RAPGEF5: variants seen among roughly 807,000 people sequenced by gnomAD.
RAPGEF5 encodes the protein Rap guanine nucleotide exchange factor 5.
In RAPGEF5, 65 loss-of-function variants were observed where a neutral mutation model predicts 125.2. The ratio of observed to expected loss-of-function variants is 0.52; its 90% CI spans 0.43 to 0.64. The LOEUF (loss-of-function observed/expected upper bound fraction) is 0.64, where lower values mean the gene tolerates loss of function less well. Among genes scored for constraint, RAPGEF5 ranks in the 30% least tolerant of loss-of-function variants. The probability of loss-of-function intolerance (pLI) is 0.00; values close to 1 mark genes in which losing one functional copy is unlikely to be tolerated. For missense variants in RAPGEF5, 958 were observed against 1,048.1 expected, an observed-to-expected ratio of 0.91 and a Z score of 1.19; for synonymous variants, 391 against 385.9, an observed-to-expected ratio of 1.01 and a Z score of -0.16.
rs150006942 is a variant in RAPGEF5, at chr7:22,175,150, T to C, written c.1205-8002A>G. ...TGTAAACAAACAAACGGGACACAAA[T>C]GTAATAACCAACAAGAAAGAAAAGG... On this transcript the variant is annotated intron_variant, in intron 11 of 25. Transcript: ENST00000665637. Among the ~76,000 whole-genome samples, 8 of 152,170 alleles carry C rather than the reference T, an allele frequency of 5.3e-5. 1 individual carries two copies. The highest frequency in any genetic ancestry group is 5.2e-4 in the Admixed American group (8 of 15,276).
chr7:22,170,084 T>C (rs185876451), intron 11 of RAPGEF5, among the ~76,000 whole-genome samples: 2 of 151,968 alleles, frequency 1.3e-5, no homozygotes, highest in Non-Finnish European at 2.9e-5. Context: ...AACAGAGTAG[T>C]TTTTTTGTTT....
intron 6 of RAPGEF5, among the ~76,000 whole-genome samples, chr7:22,289,551 G>A (rs1435707584): frequency 6.6e-6 from 1 of 152,244 alleles, no homozygotes; most frequent in Non-Finnish European, 1.5e-5. Flanking sequence ...CATAGTGAAT[G>A]CTTTTTAAAC....
chr7:22,283,333 AT>A (rs1189352529), intron 6 of RAPGEF5, among the ~76,000 whole-genome samples: 1 of 152,184 alleles, frequency 6.6e-6, no homozygotes, highest in Non-Finnish European at 1.5e-5. Context: ...TGTCATTATA[AT>A]TTTTACAACA....
rs147304321 is a variant in RAPGEF5 at position 22,176,537 on chromosome 7, A to G, written c.1205-9389T>C. On this transcript the variant is annotated intron_variant, in intron 11 of 25. Transcript: ENST00000665637. ...AGGCTTTTTGTTTGTTTGTTTGTTT[A>G]TTTTTGAGATAGAGTCTTGCTCTGT... Among the ~76,000 whole-genome samples the G allele has an allele frequency of 4.8e-3, 727 of 152,196 alleles. 10 individuals carry two copies. The highest frequency in any genetic ancestry group is 0.017 in the African/African-American group (705 of 41,532).
chr7:22,179,645 G>A (rs997561349), intron 11 of RAPGEF5, among the ~76,000 whole-genome samples: 29 of 151,970 alleles, frequency 1.9e-4, no homozygotes, highest in African/African-American at 6.8e-4. Flanking sequence ...AGGTCACAAA[G>A]ATCTTGCTGA....
chr7:22,170,141 G>A (rs891233818), intron 11 of RAPGEF5, among the ~76,000 whole-genome samples: 5 of 152,188 alleles, frequency 3.3e-5, no homozygotes, highest in East Asian at 3.9e-4. Context: ...TGCAAACTTC[G>A]CCTCCCAGGT....
intron 1 of RAPGEF5, among the ~76,000 whole-genome samples, chr7:22,344,607 C>T (rs1380827271): frequency 1.3e-5 from 2 of 152,172 alleles, no homozygotes; most frequent in African/African-American, 4.8e-5. Flanking sequence ...CCAACCTAAG[C>T]CAGAGGGCAA....
At chr7:22,306,366 T>C (rs1175244678) in intron 5 of RAPGEF5, among the ~76,000 whole-genome samples, 1 of 152,226 alleles carries the variant, frequency 6.6e-6, no homozygotes, top group African/African-American at 2.4e-5. Context: ...TTTGTATGTC[T>C]TTTTTTGAGA....
At chr7:22,291,127 A>G in intron 6 of RAPGEF5, 48 bp downstream of exon 6, 1 of 1,522,372 alleles carries the variant, frequency 6.6e-7, no homozygotes, top group Non-Finnish European at 8.8e-7. Flanking sequence ...CTAGGACCCC[A>G]GCTTCATTAT....
chr7:22,274,356 G>A (rs117139498), intron 6 of RAPGEF5, among the ~76,000 whole-genome samples: 2,196 of 152,032 alleles, frequency 0.014, 40 homozygotes, highest in Admixed American at 0.024. Context: ...TTGAGACTGG[G>A]TCTCACTCTG....
intron 11 of RAPGEF5, among the ~76,000 whole-genome samples, chr7:22,181,960 A>G (rs1310082337): frequency 2.6e-5 from 4 of 152,314 alleles, no homozygotes; most frequent in Admixed American, 2.0e-4. Flanking sequence ...TGTCAGAGCA[A>G]TTCTATGACA....
Position 22,122,456 on chromosome 7 carries a change from T to C in RAPGEF5, c.2602A>G (p.Ser868Gly). 7 of 1,613,972 alleles carry C rather than the reference T, an allele frequency of 4.3e-6. No homozygotes were observed. The highest frequency in any genetic ancestry group is 5.9e-6 in the Non-Finnish European group (7 of 1,179,864). ...SYVNHLYVID[S>G]QQALFELSHR... ...GAGAGCTCAAACAGAGCCTGCTGGC[T>C]GTCAATGACATACAGGTGATTAACA... The change falls in exon 26 of 26, where the codon AGC (serine) becomes GGC (glycine). Residue 868 changes from serine (S) to glycine (G), a missense_variant. Ser to Gly is a moderately conservative substitution (Grantham distance 56). Transcript: ENST00000665637.
At chr7:22,165,228 G>A (rs10250355) in intron 12 of RAPGEF5, among the ~76,000 whole-genome samples, 4,624 of 152,160 alleles carry the variant, frequency 0.03, 89 homozygotes, top group Middle Eastern at 0.062. Context: ...ATATATCCAA[G>A]TTAAGTTCTA....
intron 8 of RAPGEF5, among the ~76,000 whole-genome samples, chr7:22,228,789 G>A (rs917988273): frequency 4.6e-5 from 7 of 151,636 alleles, no homozygotes; most frequent in East Asian, 1.9e-4. Flanking sequence ...CTGGGATTAC[G>A]GGTGCGAGCC....
rs543543163 is a variant in RAPGEF5 at position 22,288,516 on chromosome 7, C to A, written c.747+2659G>T. 1.1e-4 allele frequency among the ~76,000 whole-genome samples: 15 copies of A among 138,326 alleles called. No individual in the cohort carries two copies. In the South Asian group the frequency reaches 2.2e-3, roughly 20 times the overall value. The allele number at this position is 138,326 out of a possible 152,430, so 90.7% of individuals were successfully genotyped here. A position where few individuals can be genotyped will look rare whatever the true frequency, so the allele number is the denominator to read the frequency against. The stretch of plus-strand genomic sequence containing the variant: ...ATACTGATTTTTTAAAAATCAATTT[C>A]TTTTCTTTTCTTTTTTTTTTTTTTG... On this transcript the variant is annotated intron_variant, in intron 6 of 25. Coordinates refer to ENST00000665637, the MANE Select transcript of RAPGEF5 (RefSeq NM_012294.5).
chr7:22,137,003 A>C lies in RAPGEF5; in HGVS notation c.2278-20T>G, dbSNP rs755122405. The C allele has an allele frequency of 2.6e-6, 4 of 1,540,624 alleles. No homozygotes were observed. The highest frequency in any genetic ancestry group is 1.8e-5 in the Admixed American group (1 of 54,924). On this transcript the variant is annotated intron_variant, in intron 21 of 25. Transcript: ENST00000665637. ...GATTTTCTAAAAAACAAACACAAAC[A>C]AAAAACAGAAGGTCACAGAAGTTGG...
intron 5 of RAPGEF5, among the ~76,000 whole-genome samples, chr7:22,302,887 A>G (rs1317746051): frequency 6.6e-6 from 1 of 151,300 alleles, no homozygotes; most frequent in Admixed American, 6.6e-5. Context: ...ATTTGAGTGC[A>G]ATATGAGTTA....
intron 5 of RAPGEF5, among the ~76,000 whole-genome samples, chr7:22,301,898 G>A (rs1441885385): frequency 6.6e-6 from 1 of 152,076 alleles, no homozygotes; most frequent in Non-Finnish European, 1.5e-5. Flanking sequence ...TAAGCTCCCA[G>A]GTATCACTTG....
At chr7:22,186,018 G>A (rs1174751507) in intron 11 of RAPGEF5, among the ~76,000 whole-genome samples, 2 of 152,070 alleles carry the variant, frequency 1.3e-5, no homozygotes, top group Non-Finnish European at 2.9e-5. Flanking sequence ...TAGAGGCGGG[G>A]TTTTACCATG....
Sources: allele counts gnomAD v4.1 joint callset (sites outside exome capture counted in the v4.1 genomes callset), GRCh38; gene constraint gnomAD v4.1.1; transcripts MANE v1.5; gene names NCBI Gene and HGNC (gene_info 2026-07-23, HGNC 2026-07-21).